The following DLG2 variants were observed in gnomAD, a reference collection of about 807,000 sequenced individuals.
The protein encoded by DLG2 is disks large homolog 2.
A neutral mutation model predicts 132.5 loss-of-function variants in DLG2; 45 were observed. The observed-to-expected ratio is 0.34, with a 90% confidence interval of 0.27 to 0.44. The LOEUF is 0.44. Ranked by LOEUF, DLG2 falls within the 20% of genes least tolerant of loss-of-function variation. The pLI, the probability that DLG2 is intolerant of heterozygous loss-of-function variation, is 1.00. For synonymous variants in DLG2, 424 were observed against 419.6 expected, an observed-to-expected ratio of 1.01 and a Z score of -0.13; for missense variants, 1,045 against 1,196.9, an observed-to-expected ratio of 0.87 and a Z score of 1.87.
rs190825040 is a variant in DLG2 at position 83,934,910 on chromosome 11, T to G, written c.1341-4427A>C. Among the ~76,000 whole-genome samples the G allele has an allele frequency of 6.6e-5, 10 of 152,308 alleles. No individual in the cohort carries two copies. The East Asian group carries it at 1.5e-3, about 23-fold the overall frequency. ...GAAAAGTGATCAGTACCTTTTATTC[T>G]CTTTTCCCGAGCCAGAACTAAAAGG... On this transcript the variant is annotated intron_variant, in intron 14 of 27. Coordinates refer to ENST00000376104, the MANE Select transcript of DLG2 (RefSeq NM_001142699.3).
intron 4 of DLG2, among the ~76,000 whole-genome samples, chr11:85,227,350 T>C (rs925904084): frequency 6.6e-6 from 1 of 152,126 alleles, no homozygotes; most frequent in African/African-American, 2.4e-5. Context: ...AGTATTCCTG[T>C]CATAGGCTTA....
intron 6 of DLG2, among the ~76,000 whole-genome samples, chr11:84,912,785 C>A (rs1050162456): frequency 6.6e-6 from 1 of 152,080 alleles, no homozygotes. Context: ...CAGTAGGTCT[C>A]GCAGAAGGTA....
Position 84,759,900 on chromosome 11 carries a change from T to G in DLG2, c.358-225169A>C, listed in dbSNP as rs144279081. Among the ~76,000 whole-genome samples, 79 of 152,304 alleles carry G rather than the reference T, an allele frequency of 5.2e-4. No homozygotes were observed. The East Asian group carries it at 0.014, about 27-fold the overall frequency. On this transcript the variant is annotated intron_variant, in intron 6 of 27. Coordinates refer to ENST00000376104, the MANE Select transcript of DLG2 (RefSeq NM_001142699.3). ...CTTTCCAAAATTGTCTTGTAGTAAC[T>G]ATGGTATCGGTGGAATTACACCTGT...
intron 7 of DLG2, among the ~76,000 whole-genome samples, chr11:84,275,114 C>G (rs2097771668): frequency 1.3e-5 from 2 of 152,226 alleles, no homozygotes; most frequent in African/African-American, 4.8e-5. Context: ...TATCATTATT[C>G]CAGACCCCAC....
chr11:84,010,839 T>C (rs1328976861), intron 11 of DLG2, among the ~76,000 whole-genome samples: 1 of 152,182 alleles, frequency 6.6e-6, no homozygotes, highest in African/African-American at 2.4e-5. Flanking sequence ...CAGTGGCTGC[T>C]GAAGTCTCGA....
At chr11:85,238,190 T>A (rs1565199523) in intron 4 of DLG2, among the ~76,000 whole-genome samples, 1 of 146,948 alleles carries the variant, frequency 6.8e-6, no homozygotes, top group African/African-American at 2.5e-5. Context: ...AACTTTTTTT[T>A]ATTTTTTATT....
chr11:83,899,361 T>A (rs1309482269), intron 15 of DLG2, among the ~76,000 whole-genome samples: 12 of 152,210 alleles, frequency 7.9e-5, no homozygotes, highest in Admixed American at 7.9e-4. Context: ...GATTTATCCC[T>A]CTCCTGCATT....
chr11:85,024,626 T>C (rs1458179688), intron 6 of DLG2, among the ~76,000 whole-genome samples: 1 of 152,126 alleles, frequency 6.6e-6, no homozygotes, highest in Non-Finnish European at 1.5e-5. Flanking sequence ...GCAGAAAAAA[T>C]AGTGCCAGTT....
chr11:85,393,760 T>C (rs182788232), intron 3 of DLG2, among the ~76,000 whole-genome samples: 3 of 152,116 alleles, frequency 2.0e-5, no homozygotes, highest in Non-Finnish European at 1.5e-5. Flanking sequence ...TATGTATATA[T>C]GTGGATGGAA....
chr11:83,838,876 G>A (rs2056897649), intron 16 of DLG2, among the ~76,000 whole-genome samples: 1 of 152,036 alleles, frequency 6.6e-6, no homozygotes, highest in Non-Finnish European at 1.5e-5. Flanking sequence ...ATCAAAAATG[G>A]GAAAATGAAA....
intron 9 of DLG2, among the ~76,000 whole-genome samples, chr11:84,148,601 C>A (rs1322736745): frequency 6.6e-6 from 1 of 152,058 alleles, no homozygotes; most frequent in Non-Finnish European, 1.5e-5. Context: ...TGTATATTTT[C>A]TTTACCCAAT....
At chr11:84,031,481 T>A (rs2095689782) in intron 11 of DLG2, among the ~76,000 whole-genome samples, 1 of 152,180 alleles carries the variant, frequency 6.6e-6, no homozygotes, top group Admixed American at 6.6e-5. Flanking sequence ...AAAGGAGGGA[T>A]GAATTAATTC....
At chr11:85,213,389 C>A (rs1285992518) in intron 4 of DLG2, among the ~76,000 whole-genome samples, 1 of 151,414 alleles carries the variant, frequency 6.6e-6, no homozygotes, top group Non-Finnish European at 1.5e-5. Context: ...GGCAGGACAA[C>A]TGGAAGCTGA....
chr11:83,579,506 T>C (rs1264357429), intron 19 of DLG2, among the ~76,000 whole-genome samples: 1 of 152,208 alleles, frequency 6.6e-6, no homozygotes, highest in African/African-American at 2.4e-5. Context: ...ATGCAAATTA[T>C]GTGCAGATTT....
At chr11:84,443,529 T>C (rs996894860) in intron 7 of DLG2, among the ~76,000 whole-genome samples, 9 of 152,292 alleles carry the variant, frequency 5.9e-5, no homozygotes, top group African/African-American at 2.2e-4. Context: ...GAGTAGTATA[T>C]ATTAGTAGTT....
intron 6 of DLG2, among the ~76,000 whole-genome samples, chr11:84,885,707 G>C (rs1272543331): frequency 6.6e-6 from 1 of 152,016 alleles, no homozygotes; most frequent in Non-Finnish European, 1.5e-5. Context: ...GTGCATAGTA[G>C]GTATTCATGA....
intron 5 of DLG2, among the ~76,000 whole-genome samples, chr11:85,115,133 G>A (rs1014458714): frequency 1.3e-5 from 2 of 151,668 alleles, no homozygotes; most frequent in Non-Finnish European, 2.9e-5. Context: ...TGATAGAACT[G>A]TACACATATT....
At chr11:84,586,982 C>A (rs1205102473) in intron 6 of DLG2, among the ~76,000 whole-genome samples, 2 of 152,316 alleles carry the variant, frequency 1.3e-5, no homozygotes, top group East Asian at 1.9e-4. Flanking sequence ...TCAGAAAACT[C>A]AATCACTTTT....
intron 6 of DLG2, among the ~76,000 whole-genome samples, chr11:85,089,869 A>G (rs978956523): frequency 6.6e-6 from 1 of 152,204 alleles, no homozygotes; most frequent in South Asian, 2.1e-4. Context: ...CAAACCCACA[A>G]TGAGATATCA....
Sources: gnomAD v4.1 joint callset for allele counts (sites outside exome capture counted in the v4.1 genomes callset) on GRCh38, gnomAD v4.1.1 for gene constraint, MANE v1.5 for transcripts, NCBI Gene and HGNC (gene_info 2026-07-23, HGNC 2026-07-21) for gene names.